The following FAM107B variants were observed in gnomAD, a reference collection of about 807,000 sequenced individuals.
FAM107B encodes the protein family with sequence similarity 107 member B.
FAM107B carries 21 observed loss-of-function variants against 31.5 expected under a neutral mutation model. That is an observed-to-expected ratio of 0.67 (90% confidence interval 0.47 to 0.96). FAM107B has a LOEUF of 0.96. FAM107B is among the 40% of genes least tolerant of loss of function. The pLI, the probability that FAM107B is intolerant of heterozygous loss-of-function variation, is 0.00. For synonymous variants in FAM107B, 157 were observed against 141.5 expected (o/e 1.11, Z -0.78); for missense variants, 452 against 377.1 (o/e 1.20, Z -1.64).
intron 2 of FAM107B, among the ~76,000 whole-genome samples, chr10:14,632,487 T>G (rs1395682353): frequency 6.6e-6 from 1 of 151,008 alleles, no homozygotes; most frequent in Admixed American, 6.6e-5. Context: ...GGCGGGCGCC[T>G]GTAGTCCCAG....
At chr10:14,560,716 A>G (rs1425502365) in intron 2 of FAM107B, among the ~76,000 whole-genome samples, 1 of 152,208 alleles carries the variant, frequency 6.6e-6, no homozygotes, top group African/African-American at 2.4e-5. Context: ...CAGCCTATGT[A>G]AATGTCTGGT....
intron 2 of FAM107B, among the ~76,000 whole-genome samples, chr10:14,652,245 C>A (rs889041424): frequency 2.0e-5 from 3 of 152,192 alleles, no homozygotes; most frequent in Non-Finnish European, 2.9e-5. Context: ...TGAGCTCACC[C>A]TCCTGCAGAG....
intron 2 of FAM107B, among the ~76,000 whole-genome samples, chr10:14,540,284 G>C (rs1260871824): frequency 6.6e-6 from 1 of 152,220 alleles, no homozygotes; most frequent in East Asian, 1.9e-4. Context: ...TTTCTGGTAA[G>C]AAGTGCCTGT....
chr10:14,573,576 C>CAAAAAAAAAAA (rs774786735), intron 2 of FAM107B, among the ~76,000 whole-genome samples: 3 of 122,022 alleles, frequency 2.5e-5, no homozygotes, highest in Non-Finnish European at 4.9e-5. Flanking sequence ...ATTAAAAATA[C>CAAAAAAAAAAA]AAAAAAAAAA....
At chr10:14,573,212 C>G (rs961879940) in intron 2 of FAM107B, among the ~76,000 whole-genome samples, 2 of 152,146 alleles carry the variant, frequency 1.3e-5, no homozygotes, top group Non-Finnish European at 2.9e-5. Context: ...CCCCAAAGTT[C>G]ATGTTGAAAC....
intron 2 of FAM107B, among the ~76,000 whole-genome samples, chr10:14,658,285 G>GCTATAGTAT (rs1854125604): frequency 1.3e-5 from 2 of 152,200 alleles, no homozygotes; most frequent in African/African-American, 4.8e-5. Flanking sequence ...ACCCCCAGGA[G>GCTATAGTAT]CATTTCCCCT....
chr10:14,564,195 C>G (rs1213375657), intron 2 of FAM107B, among the ~76,000 whole-genome samples: 1 of 152,034 alleles, frequency 6.6e-6, no homozygotes, highest in African/African-American at 2.4e-5. Context: ...TGAGACCCAG[C>G]AGGTAACAGA....
chr10:14,637,435 G>C (rs1853528390), intron 2 of FAM107B, among the ~76,000 whole-genome samples: 3 of 152,116 alleles, frequency 2.0e-5, no homozygotes, highest in African/African-American at 7.2e-5. Flanking sequence ...AGGAGTTCGA[G>C]ACCAGCCTGG....
intron 1 of FAM107B, chr10:14,723,965 C>A: frequency 1.3e-6 from 1 of 749,854 alleles, no homozygotes; most frequent in South Asian, 1.3e-5. Context: ...ATTTGGAAGT[C>A]AAGGTTAGTG....
chr10:14,629,266 A>G (rs1462481931), intron 2 of FAM107B, among the ~76,000 whole-genome samples: 1 of 131,158 alleles, frequency 7.6e-6, no homozygotes, highest in Non-Finnish European at 1.6e-5. Flanking sequence ...TAAATTATAT[A>G]TAATTTATAT....
intron 1 of FAM107B, among the ~76,000 whole-genome samples, chr10:14,710,709 AG>A (rs1855626049): frequency 6.6e-6 from 1 of 152,188 alleles, no homozygotes. Context: ...TAACAAAAAA[AG>A]TTCAAAAAGT....
At chr10:14,532,348 C>G (rs1847114313) in intron 2 of FAM107B, among the ~76,000 whole-genome samples, 1 of 152,142 alleles carries the variant, frequency 6.6e-6, no homozygotes. Flanking sequence ...AAAGCAACAT[C>G]TTTACAAAGT....
intron 1 of FAM107B, among the ~76,000 whole-genome samples, chr10:14,730,266 T>C (rs1215406139): frequency 6.6e-6 from 1 of 152,240 alleles, no homozygotes; most frequent in African/African-American, 2.4e-5. Context: ...GTCTGAGATG[T>C]CACATGGGCA....
At chr10:14,543,691 T>TAAAAAAAAAAAAAAAA (rs11318873) in intron 2 of FAM107B, among the ~76,000 whole-genome samples, 1 of 138,854 alleles carries the variant, frequency 7.2e-6, no homozygotes. Flanking sequence ...CTAAAAACTT[T>TAAAAAAAAAAAAAAAA]AAAAAAAAAA....
At chr10:14,676,851 A>T (rs1437648798) in intron 1 of FAM107B, among the ~76,000 whole-genome samples, 1 of 152,178 alleles carries the variant, frequency 6.6e-6, no homozygotes, top group East Asian at 1.9e-4. Flanking sequence ...TTTATTCTCA[A>T]AGCTGCAAGA....
At chr10:14,767,461 G>C (rs77139262) in intron 1 of FAM107B, among the ~76,000 whole-genome samples, 2,923 of 151,952 alleles carry the variant, frequency 0.019, 93 homozygotes, top group African/African-American at 0.065. Context: ...ATATTAAAAA[G>C]ATTACACCGT....
rs1187091986 is a variant in FAM107B, at chr10:14,518,705, C to T, written c.*2485G>A. 1 of 152,568 alleles carries T rather than the reference C, an allele frequency of 6.6e-6. No homozygotes were observed. The highest frequency in any genetic ancestry group is 1.5e-5 in the Non-Finnish European group (1 of 68,034). The allele number at this position is 152,568 out of a possible 1,614,324, so 9.5% of individuals were successfully genotyped here. ...AATTATGAAAACCAATCCATTAAGG[C>T]TCCCTTTATATATATTATATACACT... On this transcript the variant is annotated 3_prime_UTR_variant, in exon 5 of 5. Coordinates refer to ENST00000181796, the MANE Select transcript of FAM107B (RefSeq NM_031453.4).
At chr10:14,761,034 A>AAAAAAAAAAAAAAC (rs1554757192) in intron 1 of FAM107B, among the ~76,000 whole-genome samples, 2 of 146,634 alleles carry the variant, frequency 1.4e-5, no homozygotes, top group Non-Finnish European at 3.0e-5. Context: ...AAAAAAAAAA[A>AAAAAAAAAAAAAAC]AAGAAAGACA....
At chr10:14,585,554 G>A (rs140568449) in intron 2 of FAM107B, among the ~76,000 whole-genome samples, 256 of 152,340 alleles carry the variant, frequency 1.7e-3, no homozygotes, top group African/African-American at 5.7e-3. Flanking sequence ...TACAGATGCT[G>A]CATGTGCAGC....
Sources: gnomAD v4.1 joint callset for allele counts (sites outside exome capture counted in the v4.1 genomes callset) on GRCh38, gnomAD v4.1.1 for gene constraint, MANE v1.5 for transcripts, NCBI Gene and HGNC (gene_info 2026-07-23, HGNC 2026-07-21) for gene names.